The following SFMBT2 variants were observed in gnomAD, a reference collection of about 807,000 sequenced individuals.
The protein encoded by SFMBT2 is scm-like with four MBT domains protein 2.
A neutral mutation model predicts 110.1 loss-of-function variants in SFMBT2; 38 were observed. The observed-to-expected ratio is 0.35, with a 90% CI of 0.27 to 0.45. The LOEUF (loss-of-function observed/expected upper bound fraction) is 0.45, where lower values mean the gene tolerates loss of function less well. Ranked by LOEUF, SFMBT2 falls within the 20% of genes least tolerant of loss-of-function variation. The pLI, the probability that SFMBT2 is intolerant of heterozygous loss-of-function variation, is 1.00. For synonymous variants in SFMBT2, 425 were observed against 425.4 expected (o/e 1.00, Z 0.01); for missense variants, 1,011 against 1,094.9 (o/e 0.92, Z 1.08).
At chr10:7,256,496 A>G (rs1841011933) in intron 7 of SFMBT2, among the ~76,000 whole-genome samples, 1 of 152,212 alleles carries the variant, frequency 6.6e-6, no homozygotes, top group South Asian at 2.1e-4. Flanking sequence ...AGTCCTAAAA[A>G]TTACTTCCAA....
intron 11 of SFMBT2, chr10:7,207,582 T>C (rs1019264962): frequency 1.0e-6 from 1 of 980,622 alleles, no homozygotes; most frequent in African/African-American, 1.8e-5. Flanking sequence ...AATAACCTGG[T>C]GAGCCCCATT....
intron 11 of SFMBT2, among the ~76,000 whole-genome samples, chr10:7,209,234 T>C (rs9423773): frequency 0.43 from 65,898 of 152,098 alleles, 14,760 homozygotes; most frequent in Middle Eastern, 0.58. Flanking sequence ...TATTTGAGGA[T>C]TGCAAAAAGT....
rs557306113 is a variant in SFMBT2, at chr10:7,333,802, C to T, written c.436+33847G>A. Among the ~76,000 whole-genome samples, 33 of 152,014 alleles carry T rather than the reference C, an allele frequency of 2.2e-4. 2 individuals are homozygous for T. The highest frequency in any genetic ancestry group is 7.5e-4 in the African/African-American group (31 of 41,436). On this transcript the variant is annotated intron_variant, in intron 4 of 20. Transcript: ENST00000397167. ...GGGCCTCCCCGCTTTCTCTCTCCCC[C>T]ACTCCCGCTTTCTTTCCTTCCTCCC...
rs1842316628 is a variant in SFMBT2 at position 7,293,359 on chromosome 10, A to AC, written c.437-7406_437-7405insG. On this transcript the variant is annotated intron_variant, in intron 4 of 20. Coordinates refer to ENST00000397167, the MANE Select transcript of SFMBT2 (RefSeq NM_001387889.1). The surrounding 1 kb of genome is among the most constrained non-coding windows in gnomAD (Gnocchi z 4.6). ...GGTGATCTGCCTGCCTCGGCCTCCC[A>AC]AAGTGCTGGGATTACAAGTGTGAGC... Among the ~76,000 whole-genome samples, 1 of 152,114 alleles carries AC rather than the reference A, an allele frequency of 6.6e-6. No homozygotes were observed. Among genetic ancestry groups the AC allele is most frequent in the South Asian group, 2.1e-4 (1 of 4,818 alleles).
At chr10:7,278,621 G>C (rs986801255) in intron 6 of SFMBT2, among the ~76,000 whole-genome samples, 1 of 152,168 alleles carries the variant, frequency 6.6e-6, no homozygotes, top group Non-Finnish European at 1.5e-5. Context: ...AAAAGGACCA[G>C]CTCACAGAAA....
rs575157488 is a variant in SFMBT2, at chr10:7,227,342, C to T, written c.1203+513G>A. 2.8e-3 allele frequency among the ~76,000 whole-genome samples: 419 copies of T among 152,334 alleles called. 2 individuals are homozygous for T. Among genetic ancestry groups the T allele is most frequent in the African/African-American group, 9.5e-3 (396 of 41,576 alleles). On this transcript the variant is annotated intron_variant, in intron 10 of 20. Coordinates refer to ENST00000397167, the MANE Select transcript of SFMBT2 (RefSeq NM_001387889.1). The stretch of plus-strand genomic sequence containing the variant: ...CCAGCCGTCCACCAAAACGTGTCCT[C>T]TTCACTCCAGAGTTCAGAATCACAG...
At chr10:7,272,831 C>T (rs769288953) in intron 7 of SFMBT2, among the ~76,000 whole-genome samples, 7 of 152,318 alleles carry the variant, frequency 4.6e-5, no homozygotes, top group Non-Finnish European at 7.4e-5. Flanking sequence ...CTTGCTCTGC[C>T]GCCCAGACTG....
At chr10:7,234,671 C>T (rs1840204403) in intron 9 of SFMBT2, among the ~76,000 whole-genome samples, 2 of 152,064 alleles carry the variant, frequency 1.3e-5, no homozygotes, top group South Asian at 4.1e-4. Context: ...CTTCCAAGTC[C>T]AGTAGCCGGG....
chr10:7,185,109 T>C (rs1838355501), intron 16 of SFMBT2, among the ~76,000 whole-genome samples: 1 of 152,190 alleles, frequency 6.6e-6, no homozygotes, highest in South Asian at 2.1e-4. Context: ...TGTATGTTTA[T>C]CCCAAGGAGA....
At chr10:7,304,946 A>T (rs1842651292) in intron 4 of SFMBT2, among the ~76,000 whole-genome samples, 1 of 152,228 alleles carries the variant, frequency 6.6e-6, no homozygotes, top group Admixed American at 6.5e-5. Flanking sequence ...CTCCAGAAAC[A>T]GCATGGCAGG....
intron 7 of SFMBT2, among the ~76,000 whole-genome samples, chr10:7,264,571 T>C (rs140028995): frequency 2.6e-5 from 4 of 152,240 alleles, no homozygotes; most frequent in African/African-American, 4.8e-5. Context: ...AGAGAATGGA[T>C]TGGAATTAGT....
chr10:7,363,713 A>G (rs1384367178), intron 4 of SFMBT2, among the ~76,000 whole-genome samples: 1 of 152,146 alleles, frequency 6.6e-6, no homozygotes, highest in African/African-American at 2.4e-5. Flanking sequence ...AGAACAGACT[A>G]ATACCCCCCT....
rs577226748 is a variant in SFMBT2, at chr10:7,171,984, C to T, written c.2326G>A (p.Glu776Lys). 1 of 1,547,246 alleles carries T rather than the reference C, an allele frequency of 6.5e-7. No individual in the cohort carries two copies. Among genetic ancestry groups the T allele is most frequent in the South Asian group, 1.2e-5 (1 of 84,774 alleles). ...GCCCCGCGGCCCCTTCGTGTCCTCT[C>T]TGGGGGTGGCCGGCGCACGGGCTCT... The part of the protein sequence containing the change: ...GSEPVRRPPP[E>K]RTRRGRGAPA... The change falls in exon 19 of 21, where the codon GAG (glutamate) becomes AAG (lysine). Residue 776 changes from glutamate to lysine, a missense_variant. Physicochemically the swap from Glu to Lys is moderately conservative, Grantham distance 56 (BLOSUM62 1). Coordinates refer to ENST00000397167, the MANE Select transcript of SFMBT2 (RefSeq NM_001387889.1). This position sits in a 1 kb window ranked among gnomAD's most constrained non-coding sequence, Gnocchi z 4.9.
intron 17 of SFMBT2, among the ~76,000 whole-genome samples, chr10:7,173,933 C>T (rs1056776919): frequency 1.3e-5 from 2 of 152,184 alleles, no homozygotes; most frequent in African/African-American, 2.4e-5. Flanking sequence ...CCTTTCTGCA[C>T]CCCAATTTCC....
intron 16 of SFMBT2, among the ~76,000 whole-genome samples, chr10:7,184,179 C>T (rs1838328932): frequency 6.6e-6 from 1 of 152,168 alleles, no homozygotes; most frequent in South Asian, 2.1e-4. Context: ...ATCTCCTCTC[C>T]TTCAATAGCT....
chr10:7,222,549 T>C (rs921621803), intron 10 of SFMBT2, among the ~76,000 whole-genome samples: 3 of 152,230 alleles, frequency 2.0e-5, no homozygotes, highest in East Asian at 3.8e-4. Context: ...TTTAGCAGTT[T>C]CTACTTTCAG....
chr10:7,411,102 G>C (rs1212498730), upstream of SFMBT2, among the ~76,000 whole-genome samples: 1 of 60,744 alleles, frequency 1.6e-5, no homozygotes, highest in East Asian at 5.1e-4. Context: ...TTAAGATTTT[G>C]TGTGTGTGTG....
In SFMBT2 at chr10:7,160,285, G is replaced by A. The variant is rs1837515958; in HGVS notation, c.*3485C>T. The A allele has an allele frequency of 6.6e-6, 1 of 152,178 alleles. No homozygotes were observed. The highest frequency in any genetic ancestry group is 1.5e-5 in the Non-Finnish European group (1 of 68,040). 9.4% of individuals were successfully genotyped at this position (152,178 alleles called of 1,614,324 possible). On this transcript the variant is annotated 3_prime_UTR_variant, in exon 21 of 21. Transcript: ENST00000397167. ...CCCTGTTGTTTTTCTAGGTTGTTAGGCTTATGTCTTTGTGGACAGGATATT... is the reference window on the plus strand; with the variant it reads ...CCCTGTTGTTTTTCTAGGTTGTTAGACTTATGTCTTTGTGGACAGGATATT...
intron 7 of SFMBT2, chr10:7,249,182 A>T (rs1840719399): frequency 2.6e-6 from 1 of 380,106 alleles, no homozygotes; most frequent in Non-Finnish European, 3.6e-6. Flanking sequence ...GATCTTAGAG[A>T]TGCCTGCAGG....
Sources: allele counts gnomAD v4.1 joint callset (sites outside exome capture counted in the v4.1 genomes callset), GRCh38; gene constraint gnomAD v4.1.1; non-coding constraint Gnocchi (gnomAD v3.1); transcripts MANE v1.5; gene names NCBI Gene and HGNC (gene_info 2026-07-23, HGNC 2026-07-21).